GALNT17: variants seen among roughly 807,000 people sequenced by gnomAD.
GALNT17 encodes the protein polypeptide N-acetylgalactosaminyltransferase 17.
Under a neutral mutation model 63.7 loss-of-function variants are expected in GALNT17, and 29 were observed. The ratio of observed to expected loss-of-function variants is 0.46; its 90% CI spans 0.34 to 0.62. GALNT17 has a LOEUF of 0.62. Among genes scored for constraint, GALNT17 ranks in the 20% least tolerant of loss-of-function variants. GALNT17 has a pLI of 0.01. For synonymous variants in GALNT17, 305 were observed against 318.3 expected (o/e 0.96, Z 0.45); for missense variants, 603 against 799.6 (o/e 0.75, Z 2.97).
intron 5 of GALNT17, among the ~76,000 whole-genome samples, chr7:71,537,533 G>A (rs796724581): frequency 3.9e-5 from 6 of 152,256 alleles, no homozygotes; most frequent in African/African-American, 1.2e-4. Context: ...TAGAAGAGAG[G>A]CCAGGCACTG....
intron 6 of GALNT17, among the ~76,000 whole-genome samples, chr7:71,630,317 C>A (rs1451240988): frequency 1.3e-5 from 2 of 152,166 alleles, no homozygotes; most frequent in African/African-American, 2.4e-5. Flanking sequence ...CTTCGCTTGG[C>A]AAACTCCCGT....
chr7:71,176,315 C>T (rs966413129), intron 1 of GALNT17, among the ~76,000 whole-genome samples: 3 of 152,060 alleles, frequency 2.0e-5, no homozygotes, highest in Non-Finnish European at 2.9e-5. Flanking sequence ...CTCCTCTTGA[C>T]GGGGTGTGGC....
rs118043167 is a variant in GALNT17, at chr7:71,567,299, C to T, written c.963-3986C>T. Among the ~76,000 whole-genome samples, 249 of 152,254 alleles carry T rather than the reference C, an allele frequency of 1.6e-3. 2 individuals are homozygous for T. In the South Asian group the frequency reaches 0.036, roughly 22 times the overall value. On this transcript the variant is annotated intron_variant, in intron 5 of 10. Coordinates refer to ENST00000333538, the MANE Select transcript of GALNT17 (RefSeq NM_022479.3). ...TGCTACACCAGCAGGAGCAAGGTCC[C>T]GTTTGCATAAGTGTGATTGGCATGC...
intron 5 of GALNT17, among the ~76,000 whole-genome samples, chr7:71,513,940 C>T (rs1788405187): frequency 6.6e-6 from 1 of 152,128 alleles, no homozygotes; most frequent in Admixed American, 6.6e-5. Flanking sequence ...GCCGGTCATC[C>T]CAGCACTTTG....
intron 1 of GALNT17, among the ~76,000 whole-genome samples, chr7:71,183,909 C>G (rs1209407599): frequency 6.6e-6 from 1 of 151,922 alleles, no homozygotes; most frequent in Non-Finnish European, 1.5e-5. Context: ...AAAATCAACA[C>G]ACAAAGCAGC....
chr7:71,316,790 T>G (rs756239381), intron 1 of GALNT17, among the ~76,000 whole-genome samples: 7 of 152,184 alleles, frequency 4.6e-5, no homozygotes, highest in Non-Finnish European at 7.3e-5. Flanking sequence ...GTCCATTCCC[T>G]GAAGCTCCTT....
intron 5 of GALNT17, among the ~76,000 whole-genome samples, chr7:71,428,417 C>T (rs1362711992): frequency 6.6e-6 from 1 of 151,874 alleles, no homozygotes; most frequent in Admixed American, 6.6e-5. Context: ...ATCAGAAATC[C>T]ATTGCTTTTC....
intron 3 of GALNT17, among the ~76,000 whole-genome samples, chr7:71,411,440 A>C (rs1793428433): frequency 6.6e-6 from 1 of 152,068 alleles, no homozygotes. Context: ...CTTTCTAACC[A>C]GTGTCAGGTT....
chr7:71,377,114 AATAT>A lies in GALNT17; in HGVS notation c.423-11097_423-11094del, dbSNP rs1554362119. 6.3e-4 allele frequency among the ~76,000 whole-genome samples: 36 copies of A among 57,456 alleles called. 3 individuals carry two copies. The highest frequency in any genetic ancestry group is 2.5e-3 in the African/African-American group (27 of 10,668). 37.7% of individuals were successfully genotyped at this position (57,456 alleles called of 152,430 possible). ...AAAAAAAAAAAATAAAAATAAAAAA[AATAT>A]ATATATATATATATATATATATAAA... On this transcript the variant is annotated intron_variant, in intron 2 of 10. Transcript: ENST00000333538.
intron 5 of GALNT17, among the ~76,000 whole-genome samples, chr7:71,466,941 T>C (rs1787545728): frequency 6.6e-6 from 1 of 151,504 alleles, no homozygotes; most frequent in Non-Finnish European, 1.5e-5. Context: ...CTGTAACCCC[T>C]CCACCTTGGG....
intron 5 of GALNT17, among the ~76,000 whole-genome samples, chr7:71,472,102 C>T (rs185752254): frequency 1.8e-4 from 27 of 152,202 alleles, no homozygotes; most frequent in African/African-American, 4.6e-4. Context: ...GCCCATTTCC[C>T]GGTTAATACA....
intron 6 of GALNT17, among the ~76,000 whole-genome samples, chr7:71,658,447 C>T (rs1312148562): frequency 1.3e-5 from 2 of 152,124 alleles, no homozygotes; most frequent in African/African-American, 4.8e-5. Flanking sequence ...TGCCTCATCC[C>T]TTCCATATTC....
intron 1 of GALNT17, among the ~76,000 whole-genome samples, chr7:71,182,991 C>A (rs753239723): frequency 7.9e-5 from 12 of 152,128 alleles, no homozygotes; most frequent in Non-Finnish European, 1.5e-4. Flanking sequence ...TAGAACAGAC[C>A]GTGTACATTT....
Position 71,597,264 on chromosome 7 carries a change from C to T in GALNT17, c.1080+25862C>T, listed in dbSNP as rs553456825. The stretch of plus-strand genomic sequence containing the variant: ...CCATGTTAGCCAGGATGGTCTCGAT[C>T]TCCTAACCTTGTGATCCACCTGCCT... On this transcript the variant is annotated intron_variant, in intron 6 of 10. Coordinates refer to ENST00000333538, the MANE Select transcript of GALNT17 (RefSeq NM_022479.3). Among the ~76,000 whole-genome samples the T allele has an allele frequency of 5.9e-5, 9 of 152,162 alleles. No individual in the cohort carries two copies. In the South Asian group the frequency reaches 1.2e-3, roughly 21 times the overall value.
chr7:71,601,023 G>T (rs542752101), intron 6 of GALNT17, among the ~76,000 whole-genome samples: 1 of 152,052 alleles, frequency 6.6e-6, no homozygotes, highest in East Asian at 1.9e-4. Flanking sequence ...TTGGTTTTCC[G>T]TTCGTGAGTT....
chr7:71,203,145 T>A lies in GALNT17; in HGVS notation c.238+70105T>A, dbSNP rs190403101. Among the ~76,000 whole-genome samples the A allele has an allele frequency of 3.5e-3, 534 of 152,358 alleles. 1 individual carries two copies. Among genetic ancestry groups the A allele is most frequent in the Non-Finnish European group, 6.2e-3 (420 of 68,046 alleles). ...TATCTTTTCAACATACTAAGTTCAGTTCCAATGGATATGTACCCAGACGTG... is the reference window on the plus strand; with the variant it reads ...TATCTTTTCAACATACTAAGTTCAGATCCAATGGATATGTACCCAGACGTG... On this transcript the variant is annotated intron_variant, in intron 1 of 10. Coordinates refer to ENST00000333538, the MANE Select transcript of GALNT17 (RefSeq NM_022479.3).
At position 71,361,786 on chromosome 7, in the gene GALNT17, CAG is replaced by C. The variant is rs150967255; in HGVS notation, c.422+26073_422+26074del. ...ATTGCATCTTGACTGCAAATGAACT[CAG>C]AGAGAGAGAGAGAGAGAGACAGAGA... On this transcript the variant is annotated intron_variant, in intron 2 of 10. Transcript: ENST00000333538. Among the ~76,000 whole-genome samples, 378 of 147,690 alleles carry C rather than the reference CAG, an allele frequency of 2.6e-3. 5 individuals are homozygous for C. In the South Asian group the frequency reaches 0.035, roughly 14 times the overall value.
intron 1 of GALNT17, among the ~76,000 whole-genome samples, chr7:71,295,274 C>G (rs1353893173): frequency 6.6e-6 from 1 of 152,172 alleles, no homozygotes; most frequent in African/African-American, 2.4e-5. Flanking sequence ...TTCCTTTGGA[C>G]ATGTCTAGAA....
chr7:71,236,816 G>A (rs183157538), intron 1 of GALNT17, among the ~76,000 whole-genome samples: 4 of 152,338 alleles, frequency 2.6e-5, no homozygotes, highest in East Asian at 1.9e-4. Context: ...GCTGATGGTC[G>A]TGCTGGGAGA....
Sources: gnomAD v4.1 joint callset for allele counts (sites outside exome capture counted in the v4.1 genomes callset) on GRCh38, gnomAD v4.1.1 for gene constraint, MANE v1.5 for transcripts, NCBI Gene and HGNC (gene_info 2026-07-23, HGNC 2026-07-21) for gene names.